The following TRDN variants were observed in gnomAD, a reference collection of about 807,000 sequenced individuals.
TRDN encodes triadin, also known as triadin in skeletal muscle.
Under a neutral mutation model 149.7 loss-of-function variants are expected in TRDN, and 161 were observed. The observed-to-expected ratio is 1.08, with a 90% CI of 0.95 to 1.23. The LOEUF (loss-of-function observed/expected upper bound fraction) is 1.23. Ranked by LOEUF, TRDN falls within the 50% of genes most tolerant of loss-of-function variation. TRDN has a pLI of 0.00. For missense variants in TRDN, 896 were observed against 823.5 expected (o/e 1.09, Z -1.08); for synonymous variants, 294 against 250.5 (o/e 1.17, Z -1.64).
At chr6:123,502,920 A>G (rs1192251805) in intron 8 of TRDN, 1 of 985,184 alleles carries the variant, frequency 1.0e-6, no homozygotes, top group African/African-American at 1.7e-5. Flanking sequence ...AGGAAAAGAA[A>G]CATTCAATAA....
At chr6:123,456,740 G>C in intron 10 of TRDN, 1 of 452,740 alleles carries the variant, frequency 2.2e-6, no homozygotes, top group Non-Finnish European at 4.4e-6. Context: ...AAGTGTTGGG[G>C]ATTACAGCAT....
intron 16 of TRDN, among the ~76,000 whole-genome samples, chr6:123,380,271 T>C (rs1441475414): frequency 6.6e-6 from 1 of 152,220 alleles, no homozygotes. Flanking sequence ...AGCTGCAGTG[T>C]GTGCAGGAAC....
intron 4 of TRDN, among the ~76,000 whole-genome samples, chr6:123,540,316 T>C (rs13212480): frequency 0.5 from 75,890 of 151,836 alleles, 19,744 homozygotes; most frequent in African/African-American, 0.53. Flanking sequence ...AATTTTGGCC[T>C]CAACTTTCTG....
chr6:123,586,854 G>A (rs551839237), intron 1 of TRDN, among the ~76,000 whole-genome samples: 12 of 151,912 alleles, frequency 7.9e-5, no homozygotes, highest in East Asian at 3.9e-4. Context: ...GAAAGGGGTC[G>A]GGGCACAGAG....
intron 16 of TRDN, 64 bp from the exon 17 acceptor site, chr6:123,377,962 T>C: frequency 1.7e-6 from 2 of 1,197,144 alleles, no homozygotes; most frequent in Non-Finnish European, 1.2e-6. Flanking sequence ...GAATCCCAAC[T>C]TAATTGTTTT....
chr6:123,418,785 A>G (rs950378215), intron 12 of TRDN, among the ~76,000 whole-genome samples: 1 of 152,074 alleles, frequency 6.6e-6, no homozygotes, highest in Non-Finnish European at 1.5e-5. Context: ...GCAGGGTTAG[A>G]CCTCAGGTCC....
intron 38 of TRDN, among the ~76,000 whole-genome samples, chr6:123,234,518 T>G (rs1318774093): frequency 6.6e-5 from 10 of 152,150 alleles, no homozygotes. Flanking sequence ...ACTCGCTAAA[T>G]TTTTAATGAC....
At chr6:123,443,309 T>A (rs1363955532) in intron 10 of TRDN, among the ~76,000 whole-genome samples, 1 of 151,502 alleles carries the variant, frequency 6.6e-6, no homozygotes, top group Non-Finnish European at 1.5e-5. Flanking sequence ...TTTTGAAAAT[T>A]AAAGCCTGAG....
chr6:123,270,725 C>G (rs775790818), intron 30 of TRDN, among the ~76,000 whole-genome samples: 6 of 151,938 alleles, frequency 3.9e-5, no homozygotes, highest in Non-Finnish European at 5.9e-5. Flanking sequence ...ATATCCCTCT[C>G]TATGGAGCTT....
chr6:123,372,503 C>T (rs976536449), intron 19 of TRDN, among the ~76,000 whole-genome samples: 2 of 152,036 alleles, frequency 1.3e-5, no homozygotes, highest in Admixed American at 1.3e-4. Context: ...GCTTTGGTGG[C>T]TATTTTCCTC....
rs537640560 is a variant in TRDN at position 123,355,186 on chromosome 6, C to T, written c.1322-2600G>A. 1.8e-4 allele frequency among the ~76,000 whole-genome samples: 27 copies of T among 151,670 alleles called. No individual in the cohort carries two copies. The East Asian group carries it at 3.9e-3, about 22-fold the overall frequency. On this transcript the variant is annotated intron_variant, in intron 20 of 40. Coordinates refer to ENST00000334268, the MANE Select transcript of TRDN (RefSeq NM_006073.4). The stretch of plus-strand genomic sequence containing the variant: ...GAGTCTTTTTAAATATATATATACA[C>T]ATACACACATATATACATATACTGT...
At chr6:123,368,890 G>C (rs1359114894) in intron 19 of TRDN, among the ~76,000 whole-genome samples, 3 of 152,004 alleles carry the variant, frequency 2.0e-5, no homozygotes, top group Non-Finnish European at 4.4e-5. Flanking sequence ...TTCTTACCAA[G>C]CTTATGCATA....
Position 123,578,537 on chromosome 6 carries a change from A to G in TRDN, c.23-7405T>C, listed in dbSNP as rs140480996. Among the ~76,000 whole-genome samples, 20 of 152,238 alleles carry G rather than the reference A, an allele frequency of 1.3e-4. No individual in the cohort carries two copies. In the East Asian group the frequency reaches 1.7e-3, roughly 13 times the overall value. On this transcript the variant is annotated intron_variant, in intron 1 of 40. Coordinates refer to ENST00000334268, the MANE Select transcript of TRDN (RefSeq NM_006073.4). ...ATGTGACTGTTTTTGTATGAGTACC[A>G]TGCTATTTCGCTCACTGTAGCCCTG...
rs764565579 is a variant in TRDN, at chr6:123,352,596, A to T, written c.1322-10T>A. ...TTCTTTCCAGGTACAGCTGCAAAAC[A>T]AAGATAAGGTTTAAAGAAGAGTTCC... On this transcript the variant is annotated splice_polypyrimidine_tract_variant and intron_variant, in intron 20 of 40. Transcript: ENST00000334268. The T allele has an allele frequency of 6.2e-5, 99 of 1,609,540 alleles. No individual in the cohort carries two copies. The highest frequency in any genetic ancestry group is 8.0e-5 in the Non-Finnish European group (94 of 1,177,852).
chr6:123,379,531 A>C (rs1781634554), intron 16 of TRDN, among the ~76,000 whole-genome samples: 1 of 152,316 alleles, frequency 6.6e-6, no homozygotes, highest in Admixed American at 6.5e-5. Flanking sequence ...TGACAGTCAC[A>C]AACAGTGATA....
At chr6:123,399,349 G>A (rs969874836) in intron 12 of TRDN, among the ~76,000 whole-genome samples, 2 of 152,162 alleles carry the variant, frequency 1.3e-5, no homozygotes, top group Non-Finnish European at 2.9e-5. Context: ...AGTTTCTTAA[G>A]TAATCAACAA....
intron 2 of TRDN, among the ~76,000 whole-genome samples, chr6:123,554,713 G>T (rs1781560630): frequency 2.0e-5 from 3 of 151,984 alleles, no homozygotes; most frequent in Admixed American, 2.0e-4. Flanking sequence ...CACCGCCTAA[G>T]TTGGGAAGAA....
chr6:123,292,059 AATTTTGGGG>A (rs145336253), intron 24 of TRDN, among the ~76,000 whole-genome samples: 3,546 of 152,250 alleles, frequency 0.023, 145 homozygotes, highest in African/African-American at 0.081. Flanking sequence ...GCTTAGAAGG[AATTTTGGGG>A]CTAGTGGGTA....
At chr6:123,242,145 G>A (rs913867884) in intron 38 of TRDN, among the ~76,000 whole-genome samples, 3 of 152,066 alleles carry the variant, frequency 2.0e-5, no homozygotes, top group African/African-American at 4.8e-5. Context: ...AAACCTTCCC[G>A]CAGCATTGTT....
Sources: gnomAD v4.1 joint callset for allele counts (sites outside exome capture counted in the v4.1 genomes callset) on GRCh38, gnomAD v4.1.1 for gene constraint, MANE v1.5 for transcripts, NCBI Gene and HGNC (gene_info 2026-07-23, HGNC 2026-07-21) for gene names.